COQ2: variants seen among roughly 807,000 people sequenced by gnomAD.
COQ2 encodes coenzyme Q2, polyprenyltransferase.
Under a neutral mutation model 35.7 loss-of-function variants are expected in COQ2, and 25 were observed. The observed-to-expected ratio is 0.70, with a 90% CI of 0.51 to 0.98. The LOEUF (loss-of-function observed/expected upper bound fraction) is 0.98, where lower values mean the gene tolerates loss of function less well. Ranked by LOEUF, COQ2 falls within the 50% of genes least tolerant of loss-of-function variation. The probability of loss-of-function intolerance (pLI) is 0.00; values close to 1 mark genes in which losing one functional copy is unlikely to be tolerated. For synonymous variants in COQ2, 206 were observed against 186.2 expected (o/e 1.11, Z -0.86); for missense variants, 488 against 473.5 (o/e 1.03, Z -0.28).
intron 5 of COQ2, 36 bp downstream of exon 5, chr4:83,269,823 CA>C: frequency 6.8e-7 from 1 of 1,481,428 alleles, no homozygotes. Context: ...AAAACAGCAA[CA>C]ACTAAACCAA....
chr4:83,285,044 A>G (rs1735440190), upstream of COQ2: 3 of 656,256 alleles, frequency 4.6e-6, 1 homozygote, highest in South Asian at 6.4e-5. Flanking sequence ...TGGTTCCATT[A>G]TCGGGCAACA....
chr4:83,283,288 G>C lies in COQ2; in HGVS notation c.253+1224C>G, dbSNP rs72936027. ...GACTACATCTCCATACACTGCAATG[G>C]CAAATGTCATCATCTAGATTGGCTG... On this transcript the variant is annotated intron_variant, in intron 1 of 6. Coordinates refer to ENST00000647002, the MANE Select transcript of COQ2 (RefSeq NM_001358921.2). The C allele has an allele frequency of 2.4e-3, 2,388 of 985,348 alleles. 58 individuals are homozygous for C. In the African/African-American group the frequency reaches 0.039, roughly 16 times the overall value. 61.0% of individuals were successfully genotyped at this position (985,348 alleles called of 1,614,324 possible).
At chr4:83,266,504 C>A (rs1734922765) in intron 6 of COQ2, among the ~76,000 whole-genome samples, 1 of 152,008 alleles carries the variant, frequency 6.6e-6, no homozygotes, top group Non-Finnish European at 1.5e-5. Flanking sequence ...ATTACAGGTG[C>A]CCACCACCAT....
intron 6 of COQ2, among the ~76,000 whole-genome samples, chr4:83,265,305 C>T (rs1223665932): frequency 6.6e-6 from 1 of 152,170 alleles, no homozygotes; most frequent in African/African-American, 2.4e-5. Flanking sequence ...CGTGGTGGCT[C>T]ATGCCTGTAA....
At chr4:83,265,300 T>C (rs1734887225) in intron 6 of COQ2, among the ~76,000 whole-genome samples, 1 of 152,130 alleles carries the variant, frequency 6.6e-6, no homozygotes, top group South Asian at 2.1e-4. Context: ...CCAGGCGTGG[T>C]GGCTCATGCC....
intron 2 of COQ2, among the ~76,000 whole-genome samples, chr4:83,274,615 C>G (rs1269870693): frequency 6.6e-6 from 1 of 152,052 alleles, no homozygotes; most frequent in African/African-American, 2.4e-5. Flanking sequence ...TTAAAATTTT[C>G]TTTAGTTTTC....
Position 83,267,603 on chromosome 4 carries a change from C to G in COQ2, c.934G>C (p.Ala312Pro). The G allele has an allele frequency of 6.3e-7, 1 of 1,579,172 alleles. No individual in the cohort carries two copies. The highest frequency in any genetic ancestry group is 8.6e-7 in the Non-Finnish European group (1 of 1,164,830). Residue 312 changes from alanine (A) to proline (P), a missense_variant, in exon 6 of 7, where the codon GCC becomes CCC. By Grantham distance (27) the Ala-to-Pro change is conservative. Transcript: ENST00000647002. ...GGTCAAACCTGGTGAGTCAGATGGGCTCCTACAGCACCCAGGGCAGCGTAG... is the reference window on the plus strand; with the variant it reads ...GGTCAAACCTGGTGAGTCAGATGGGGTCCTACAGCACCCAGGGCAGCGTAG... Reference protein sequence around the residue: ...PYYAALGAVGAHLTHQIYTLD... With the variant: ...PYYAALGAVGPHLTHQIYTLD...
chr4:83,277,900 C>T (rs949643960), intron 2 of COQ2, among the ~76,000 whole-genome samples: 1 of 151,152 alleles, frequency 6.6e-6, no homozygotes, highest in Admixed American at 6.6e-5. Flanking sequence ...ACCTGGGAGG[C>T]GGAGGTTGCG....
upstream of COQ2, chr4:83,284,836 G>T (rs1192936473): frequency 1.9e-6 from 3 of 1,558,200 alleles, no homozygotes; most frequent in African/African-American, 4.1e-5. Flanking sequence ...GCACCCGCAG[G>T]ATGCAATCCT....
chr4:83,264,529 C>G (rs1186657452), intron 6 of COQ2, among the ~76,000 whole-genome samples, 166 bp from the exon 7 acceptor site: 2 of 151,994 alleles, frequency 1.3e-5, no homozygotes, highest in Non-Finnish European at 2.9e-5. Context: ...CCCAGCTACT[C>G]AAGAGGCTGA....
At chr4:83,273,193 T>TAC (rs1233330740) in intron 3 of COQ2, among the ~76,000 whole-genome samples, 1 of 152,228 alleles carries the variant, frequency 6.6e-6, no homozygotes, top group Non-Finnish European at 1.5e-5. Flanking sequence ...TGTGGGTGTA[T>TAC]ACACACACAT....
At chr4:83,284,179 G>A (rs1735394985) in intron 1 of COQ2, 4 of 985,482 alleles carry the variant, frequency 4.1e-6, no homozygotes, top group Non-Finnish European at 4.8e-6. Context: ...ACAAGTGTTT[G>A]TGGAATGAGA....
intron 1 of COQ2, among the ~76,000 whole-genome samples, chr4:83,280,001 C>T (rs1051355794): frequency 4.6e-5 from 7 of 151,856 alleles, no homozygotes; most frequent in Non-Finnish European, 8.8e-5. Context: ...GCTGGAACTA[C>T]AGGTGCAAGC....
chr4:83,279,357 GAAAT>G (rs1489931326), intron 1 of COQ2, among the ~76,000 whole-genome samples: 8 of 152,030 alleles, frequency 5.3e-5, no homozygotes, highest in Admixed American at 3.9e-4. Flanking sequence ...CACATAAAAA[GAAAT>G]ACAAATGGCT....
chr4:83,275,465 C>T (rs976528498), intron 2 of COQ2, among the ~76,000 whole-genome samples: 1 of 151,456 alleles, frequency 6.6e-6, no homozygotes, highest in African/African-American at 2.4e-5. Context: ...TGCCCAATGA[C>T]ATTTCCAGAT....
chr4:83,283,080 C>T (rs1735363594), intron 1 of COQ2, among the ~76,000 whole-genome samples: 2 of 152,214 alleles, frequency 1.3e-5, no homozygotes, highest in Admixed American at 6.5e-5. Flanking sequence ...GGGGGTCATA[C>T]ACAGCTTCCC....
chr4:83,267,219 T>A (rs762841782), intron 6 of COQ2: 4 of 451,278 alleles, frequency 8.9e-6, no homozygotes. Context: ...CTACAAAAAA[T>A]AAAAAAAATT....
At chr4:83,268,592 T>C (rs1469849801) in intron 5 of COQ2, among the ~76,000 whole-genome samples, 8 of 152,214 alleles carry the variant, frequency 5.3e-5, no homozygotes, top group Admixed American at 5.2e-4. Context: ...ATAGTTATTA[T>C]GTGAACCACA....
At chr4:83,274,174 A>G (rs1293589787) in intron 2 of COQ2, among the ~76,000 whole-genome samples, 2 of 151,918 alleles carry the variant, frequency 1.3e-5, no homozygotes, top group Non-Finnish European at 2.9e-5. Context: ...TAAATAAAAA[A>G]CAAAGCAACT....
Sources: allele counts gnomAD v4.1 joint callset (sites outside exome capture counted in the v4.1 genomes callset), GRCh38; gene constraint gnomAD v4.1.1; transcripts MANE v1.5; gene names NCBI Gene and HGNC (gene_info 2026-07-23, HGNC 2026-07-21).